Variants in PARD3B observed in about 807,000 individuals in gnomAD.
The protein encoded by PARD3B is par-3 family cell polarity regulator beta, also known as partitioning defective 3 homolog B.
Under a neutral mutation model 130.2 loss-of-function variants are expected in PARD3B, and 103 were observed. The observed-to-expected ratio is 0.79, with a 90% CI of 0.67 to 0.93. The LOEUF (loss-of-function observed/expected upper bound fraction) is 0.93. Among genes scored for constraint, PARD3B ranks in the 40% least tolerant of loss-of-function variants. PARD3B has a pLI of 0.00. For synonymous variants in PARD3B, 583 were observed against 553.2 expected (o/e 1.05, Z -0.76); for missense variants, 1,609 against 1,499.2 (o/e 1.07, Z -1.21).
chr2:205,398,255 C>G (rs767117018), intron 18 of PARD3B, among the ~76,000 whole-genome samples: 1 of 152,076 alleles, frequency 6.6e-6, no homozygotes, highest in African/African-American at 2.4e-5. Flanking sequence ...GAGCCGAGAT[C>G]GCATCATTGC....
At position 204,994,984 on chromosome 2, in the gene PARD3B, G is replaced by C. The variant is rs1453980657; in HGVS notation, c.394+29661G>C. ...TGAGCCTATGTGTGTCTCTGCACGT[G>C]AGATGGGTTTCCTGAATACAGCACA... On this transcript the variant is annotated intron_variant, in intron 3 of 22. Coordinates refer to ENST00000406610, the MANE Select transcript of PARD3B (RefSeq NM_001302769.2). 4.0e-5 allele frequency among the ~76,000 whole-genome samples: 6 copies of C among 150,998 alleles called. No individual in the cohort carries two copies. The East Asian group carries it at 1.2e-3, about 29-fold the overall frequency.
chr2:204,656,859 G>A (rs2035655676), intron 1 of PARD3B, among the ~76,000 whole-genome samples: 1 of 152,162 alleles, frequency 6.6e-6, no homozygotes, highest in East Asian at 1.9e-4. Flanking sequence ...AGCTTTAAAT[G>A]ATTTGGAATA....
chr2:204,555,045 G>A (rs1272258327), intron 1 of PARD3B, among the ~76,000 whole-genome samples: 1 of 152,150 alleles, frequency 6.6e-6, no homozygotes, highest in Non-Finnish European at 1.5e-5. Flanking sequence ...GTGCCTATGT[G>A]ATCAGTCTGC....
At chr2:205,464,995 C>T (rs1177132494) in intron 20 of PARD3B, among the ~76,000 whole-genome samples, 4 of 152,120 alleles carry the variant, frequency 2.6e-5, no homozygotes, top group Admixed American at 1.3e-4. Flanking sequence ...CTGTACTGCA[C>T]GATAACAATG....
chr2:205,217,719 C>T (rs1484652947), intron 15 of PARD3B, among the ~76,000 whole-genome samples: 2 of 149,504 alleles, frequency 1.3e-5, no homozygotes, highest in African/African-American at 2.5e-5. Context: ...TATATATATA[C>T]ACACATACAT....
rs192035639 is a variant in PARD3B at position 204,867,159 on chromosome 2, T to G, written c.223-97993T>G. 7.8e-4 allele frequency among the ~76,000 whole-genome samples: 119 copies of G among 152,324 alleles called. 1 individual carries two copies. Among genetic ancestry groups the G allele is most frequent in the African/African-American group, 2.7e-3 (111 of 41,582 alleles). ...CTTGGTAAAGCATTTGTTGATTTTT[T>G]TTTTCAGGAATACAAATGCAAAATA... On this transcript the variant is annotated intron_variant, in intron 2 of 22. Coordinates refer to ENST00000406610, the MANE Select transcript of PARD3B (RefSeq NM_001302769.2).
intron 21 of PARD3B, among the ~76,000 whole-genome samples, chr2:205,533,588 A>C (rs2051699575): frequency 6.6e-6 from 1 of 152,232 alleles, no homozygotes. Context: ...GAGTTTAAAC[A>C]TCAGTAACAG....
At chr2:205,541,049 A>G (rs2052102946) in intron 21 of PARD3B, among the ~76,000 whole-genome samples, 1 of 152,206 alleles carries the variant, frequency 6.6e-6, no homozygotes, top group African/African-American at 2.4e-5. Flanking sequence ...AAGACATTGA[A>G]AGTAAGATGC....
At chr2:205,577,955 T>A (rs1408154284) in intron 22 of PARD3B, among the ~76,000 whole-genome samples, 1 of 152,236 alleles carries the variant, frequency 6.6e-6, no homozygotes, top group East Asian at 1.9e-4. Flanking sequence ...ATACTGCTGA[T>A]GGAAAGCAGT....
chr2:205,314,347 C>A (rs912645286), intron 18 of PARD3B, among the ~76,000 whole-genome samples: 7 of 152,122 alleles, frequency 4.6e-5, no homozygotes, highest in Non-Finnish European at 1.0e-4. Flanking sequence ...ACAAAAACCC[C>A]TTTTGACTTT....
intron 18 of PARD3B, among the ~76,000 whole-genome samples, chr2:205,322,759 G>GAGTT (rs1370334579): frequency 6.6e-6 from 1 of 151,992 alleles, no homozygotes; most frequent in Non-Finnish European, 1.5e-5. Flanking sequence ...CTGTGCTTGT[G>GAGTT]AGTTAAATAT....
chr2:205,099,622 A>G (rs1388381826), intron 4 of PARD3B, among the ~76,000 whole-genome samples: 1 of 152,302 alleles, frequency 6.6e-6, no homozygotes, highest in East Asian at 1.9e-4. Context: ...CCCTGTTAAG[A>G]GGTAAACTGC....
At chr2:204,891,332 T>C (rs1237551102) in intron 2 of PARD3B, among the ~76,000 whole-genome samples, 1 of 152,164 alleles carries the variant, frequency 6.6e-6, no homozygotes, top group Non-Finnish European at 1.5e-5. Context: ...GGAGATGATA[T>C]GAACACAGAT....
In PARD3B at chr2:205,592,918, T is replaced by G. The variant is rs2106603520; in HGVS notation, c.3261-22538T>G. 6.6e-6 allele frequency among the ~76,000 whole-genome samples: 1 copy of G among 152,386 alleles called. No homozygotes were observed. Among genetic ancestry groups the G allele is most frequent in the South Asian group, 2.1e-4 (1 of 4,832 alleles). On this transcript the variant is annotated intron_variant, in intron 22 of 22. Transcript: ENST00000406610. This position sits in a 1 kb window ranked among gnomAD's most constrained non-coding sequence, Gnocchi z 4.5. ...GATGCCCCATGGCACTGACTCAGCC[T>G]TGAGCAGAAGCACTGTGTTTTGTCT...
intron 2 of PARD3B, among the ~76,000 whole-genome samples, chr2:204,939,342 C>G (rs903601483): frequency 6.6e-6 from 1 of 152,012 alleles, no homozygotes; most frequent in Non-Finnish European, 1.5e-5. Flanking sequence ...GTCTATTAAC[C>G]CAAATATAAT....
chr2:205,588,051 A>G (rs1314914561), intron 22 of PARD3B, among the ~76,000 whole-genome samples: 1 of 152,226 alleles, frequency 6.6e-6, no homozygotes, highest in Non-Finnish European at 1.5e-5. Context: ...CAGAACAGGA[A>G]GGAAAGGCAA....
chr2:204,902,093 C>T (rs1253805879), intron 2 of PARD3B, among the ~76,000 whole-genome samples: 1 of 152,182 alleles, frequency 6.6e-6, no homozygotes, highest in Non-Finnish European at 1.5e-5. Flanking sequence ...TGCTGCCTGG[C>T]TGCATGGACC....
chr2:205,125,468 T>C lies in PARD3B; in HGVS notation c.1306-141T>C. ...CATTATGGGAAATATTGTTGGGTTT[T>C]GCCCATGTATTTAGTTATCATCTTT... On this transcript the variant is annotated intron_variant, in intron 9 of 22. Transcript: ENST00000406610. The surrounding 1 kb of genome is among the most constrained non-coding windows in gnomAD (Gnocchi z 4.0). 2.3e-6 allele frequency: 2 copies of C among 868,112 alleles called. No individual in the cohort carries two copies. The highest frequency in any genetic ancestry group is 2.9e-4 in the Middle Eastern group (1 of 3,394). 53.8% of individuals were successfully genotyped at this position (868,112 alleles called of 1,614,324 possible).
rs115968189 is a variant in PARD3B, at chr2:204,865,613, A to G, written c.223-99539A>G. ...GACACAAAAGCCTAAGAATGATACA[A>G]TGGACTTCGGGGACTCGGGGGAAAG... On this transcript the variant is annotated intron_variant, in intron 2 of 22. Transcript: ENST00000406610. Among the ~76,000 whole-genome samples, 247 of 152,276 alleles carry G rather than the reference A, an allele frequency of 1.6e-3. 1 individual carries two copies. Among genetic ancestry groups the G allele is most frequent in the African/African-American group, 5.3e-3 (221 of 41,548 alleles).
Sources: allele counts gnomAD v4.1 joint callset (sites outside exome capture counted in the v4.1 genomes callset), GRCh38; gene constraint gnomAD v4.1.1; non-coding constraint Gnocchi (gnomAD v3.1); transcripts MANE v1.5; gene names NCBI Gene and HGNC (gene_info 2026-07-23, HGNC 2026-07-21).